Variants in EFCAB11 observed in about 807,000 individuals in gnomAD.
EFCAB11 encodes EF-hand calcium-binding domain-containing protein 11.
EFCAB11 carries 14 observed loss-of-function variants against 23.0 expected under a neutral mutation model. The observed-to-expected ratio is 0.61, with a 90% CI of 0.40 to 0.95. EFCAB11 has a LOEUF of 0.95. Among genes scored for constraint, EFCAB11 ranks in the 40% least tolerant of loss-of-function variants. EFCAB11 has a pLI of 0.00. For synonymous variants in EFCAB11, 65 were observed against 66.6 expected (o/e 0.98, Z 0.11); for missense variants, 198 against 195.8 (o/e 1.01, Z -0.07).
intron 5 of EFCAB11, among the ~76,000 whole-genome samples, chr14:89,917,164 A>G (rs1596452711): frequency 6.6e-6 from 1 of 151,828 alleles, no homozygotes; most frequent in South Asian, 2.1e-4. Flanking sequence ...CACATTAACT[A>G]TAGTTACCAT....
chr14:89,896,255 A>G (rs1889154082), intron 5 of EFCAB11, among the ~76,000 whole-genome samples: 1 of 151,832 alleles, frequency 6.6e-6, no homozygotes, highest in South Asian at 2.1e-4. Flanking sequence ...GTGGCGGCGG[A>G]CCCCTGTAGT....
rs80302021 is a variant in EFCAB11 at position 89,881,479 on chromosome 14, T to C, written c.410+50062A>G. On this transcript the variant is annotated intron_variant, in intron 5 of 5. Transcript: ENST00000316738. The stretch of plus-strand genomic sequence containing the variant: ...TATATATATATATTCTTTTTTTTTT[T>C]CTTTGTCACCCAGGCTGGAGTGCAG... Among the ~76,000 whole-genome samples the C allele has an allele frequency of 4.9e-4, 8 of 16,430 alleles. 1 individual carries two copies. The highest frequency in any genetic ancestry group is 1.3e-3 in the Non-Finnish European group (7 of 5,396). The allele number at this position is 16,430 out of a possible 152,430, so 10.8% of individuals were successfully genotyped here.
At position 89,811,169 on chromosome 14, in the gene EFCAB11, C is replaced by G. The variant is rs1886140226; in HGVS notation, c.411-13845G>C. Among the ~76,000 whole-genome samples the G allele has an allele frequency of 4.6e-5, 7 of 151,794 alleles. 1 individual carries two copies. In the South Asian group the frequency reaches 1.5e-3, roughly 32 times the overall value. The stretch of plus-strand genomic sequence containing the variant: ...GCAAGGTCCTTGTGGCAGGACAGAG[C>G]AAGGTACATTCAAGGAACTGAAAGA... On this transcript the variant is annotated intron_variant, in intron 5 of 5. Coordinates refer to ENST00000316738, the MANE Select transcript of EFCAB11 (RefSeq NM_145231.4).
At position 89,932,524 on chromosome 14, in the gene EFCAB11, AC is replaced by A; in HGVS notation, c.319+1del. 6.2e-7 allele frequency: 1 copy of A among 1,612,664 alleles called. No individual in the cohort carries two copies. Among genetic ancestry groups the A allele is most frequent in the Non-Finnish European group, 8.5e-7 (1 of 1,179,096 alleles). On this transcript the variant is annotated splice_donor_variant, in intron 4 of 5. Transcript: ENST00000316738. LOFTEE classifies it high-confidence loss of function. ...ACATCAAAACACTTTAGAGACACTT[AC>A]AGTAGGTGTCAAAGGCTGTGAAGAT...
At chr14:89,838,485 A>G (rs1229465495) in intron 5 of EFCAB11, among the ~76,000 whole-genome samples, 2 of 152,006 alleles carry the variant, frequency 1.3e-5, no homozygotes, top group Non-Finnish European at 2.9e-5. Flanking sequence ...AAGTCAAAAA[A>G]ACACAGAAGA....
At chr14:89,915,359 A>G (rs1015412180) in intron 5 of EFCAB11, among the ~76,000 whole-genome samples, 5 of 152,218 alleles carry the variant, frequency 3.3e-5, no homozygotes, top group African/African-American at 1.2e-4. Context: ...TTTCAGTACA[A>G]ATTTTTCAAA....
At position 89,954,730 on chromosome 14, in the gene EFCAB11, T is replaced by C; in HGVS notation, c.-70A>G. On this transcript the variant is annotated 5_prime_UTR_variant, in exon 1 of 6. Coordinates refer to ENST00000316738, the MANE Select transcript of EFCAB11 (RefSeq NM_145231.4). ...CGCTTTCCCAGCCTGGCTGGCAGCC[T>C]ACCGCGGCCACGCCCACCGCGGCTC... 4.5e-6 allele frequency: 7 copies of C among 1,557,298 alleles called. No individual in the cohort carries two copies. The highest frequency in any genetic ancestry group is 6.1e-6 in the Non-Finnish European group (7 of 1,154,950).
At chr14:89,926,178 T>C (rs2139797155) in intron 5 of EFCAB11, among the ~76,000 whole-genome samples, 1 of 152,304 alleles carries the variant, frequency 6.6e-6, no homozygotes, top group East Asian at 1.9e-4. Context: ...ATTAAAGATT[T>C]TATAATATCT....
At chr14:89,856,379 A>G (rs1167423868) in intron 5 of EFCAB11, among the ~76,000 whole-genome samples, 1 of 151,850 alleles carries the variant, frequency 6.6e-6, no homozygotes, top group African/African-American at 2.4e-5. Flanking sequence ...TTGTAGAGAC[A>G]GAGTTTCACC....
intron 5 of EFCAB11, chr14:89,931,240 T>G: frequency 3.4e-6 from 1 of 295,320 alleles, no homozygotes; most frequent in Non-Finnish European, 6.2e-6. Flanking sequence ...TTCCCTTGGT[T>G]CACACGTAAG....
intron 5 of EFCAB11, chr14:89,924,299 T>C: frequency 9.7e-7 from 1 of 1,033,980 alleles, no homozygotes; most frequent in Non-Finnish European, 1.2e-6. Context: ...ACTTTAAACG[T>C]CTCCAGTCAT....
At position 89,924,707 on chromosome 14, in the gene EFCAB11, G is replaced by A. The variant is rs766172008; in HGVS notation, c.410+6834C>T. The A allele has an allele frequency of 1.5e-5, 23 of 1,535,196 alleles. No homozygotes were observed. The South Asian group carries it at 2.5e-4, about 17-fold the overall frequency. On this transcript the variant is annotated intron_variant, in intron 5 of 5. Transcript: ENST00000316738. ...AATAAAGCAAAAAGAGACCACCAGA[G>A]ATTAATTCATGAAAATCACATGTAG...
intron 5 of EFCAB11, among the ~76,000 whole-genome samples, chr14:89,884,545 C>T (rs185540902): frequency 6.6e-6 from 1 of 151,758 alleles, no homozygotes; most frequent in East Asian, 1.9e-4. Flanking sequence ...ATGTGGGAGA[C>T]CCTAGCTGAT....
Position 89,795,956 on chromosome 14 carries a change from G to C in EFCAB11, c.*1287C>G, listed in dbSNP as rs1885563911. On this transcript the variant is annotated 3_prime_UTR_variant, in exon 6 of 6. Coordinates refer to ENST00000316738, the MANE Select transcript of EFCAB11 (RefSeq NM_145231.4). ...TATAGCAGTTACTGGAGCCCAGCAGGACAGGCAAGGCATGGGGAACGTGAA... is the reference window on the plus strand; with the variant it reads ...TATAGCAGTTACTGGAGCCCAGCAGCACAGGCAAGGCATGGGGAACGTGAA... 1 of 152,248 alleles carries C rather than the reference G, an allele frequency of 6.6e-6. No homozygotes were observed. Among genetic ancestry groups the C allele is most frequent in the Non-Finnish European group, 1.5e-5 (1 of 68,068 alleles). 9.4% of individuals were successfully genotyped at this position (152,248 alleles called of 1,614,324 possible).
intron 5 of EFCAB11, among the ~76,000 whole-genome samples, chr14:89,818,410 T>C (rs1212325252): frequency 1.4e-5 from 2 of 146,362 alleles, no homozygotes; most frequent in Non-Finnish European, 3.0e-5. Context: ...TAAGTAGAAC[T>C]ACAAAAGAAA....
chr14:89,937,759 T>C (rs746002399), intron 3 of EFCAB11, among the ~76,000 whole-genome samples: 1 of 152,076 alleles, frequency 6.6e-6, no homozygotes, highest in Non-Finnish European at 1.5e-5. Context: ...CTCCCGACTT[T>C]GTGATCCGTC....
At chr14:89,911,778 G>C (rs941955566) in intron 5 of EFCAB11, among the ~76,000 whole-genome samples, 1 of 152,172 alleles carries the variant, frequency 6.6e-6, no homozygotes, top group Admixed American at 6.5e-5. Flanking sequence ...CTAGGTCAGA[G>C]CACAGTTCTC....
At chr14:89,824,690 A>G (rs1449000809) in intron 5 of EFCAB11, among the ~76,000 whole-genome samples, 1 of 152,196 alleles carries the variant, frequency 6.6e-6, no homozygotes. Context: ...AGAATAAAAA[A>G]TGATAATCAC....
intron 5 of EFCAB11, among the ~76,000 whole-genome samples, chr14:89,813,426 A>C (rs1167310602): frequency 6.6e-6 from 1 of 152,230 alleles, no homozygotes; most frequent in Non-Finnish European, 1.5e-5. Flanking sequence ...ACTCACACTC[A>C]TCTTAACAAA....
Sources: gnomAD v4.1 joint callset for allele counts (sites outside exome capture counted in the v4.1 genomes callset) on GRCh38, gnomAD v4.1.1 for gene constraint, MANE v1.5 for transcripts, NCBI Gene and HGNC (gene_info 2026-07-23, HGNC 2026-07-21) for gene names.